PKD2: variants seen among roughly 807,000 people sequenced by gnomAD.
PKD2 encodes the protein polycystin 2, transient receptor potential cation channel, also known as polycystin-2.
A neutral mutation model predicts 105.9 loss-of-function variants in PKD2; 48 were observed. That is an observed-to-expected ratio of 0.45 (90% CI 0.36 to 0.58). PKD2 has a LOEUF of 0.58. Ranked by LOEUF, PKD2 falls within the 20% of genes least tolerant of loss-of-function variation. PKD2 has a pLI of 0.00. For missense variants in PKD2, 1,078 were observed against 1,255.3 expected, an observed-to-expected ratio of 0.86 and a Z score of 2.13; for synonymous variants, 464 against 481.1, an observed-to-expected ratio of 0.96 and a Z score of 0.46.
At chr4:88,009,824 G>A (rs1042431031) in intron 1 of PKD2, among the ~76,000 whole-genome samples, 2 of 152,154 alleles carry the variant, frequency 1.3e-5, no homozygotes, top group African/African-American at 4.8e-5. Flanking sequence ...AAGTGAGAGA[G>A]AAGTTCCTTT....
chr4:88,066,026 C>A, intron 12 of PKD2, 147 bp downstream of exon 12: 1 of 687,432 alleles, frequency 1.5e-6, no homozygotes, highest in Non-Finnish European at 2.7e-6. Flanking sequence ...TGTGTTAGTA[C>A]CCTGTTTATT....
chr4:88,048,193 T>C (rs1727845006), intron 6 of PKD2, among the ~76,000 whole-genome samples: 1 of 152,242 alleles, frequency 6.6e-6, no homozygotes. Flanking sequence ...TGATAGCCAT[T>C]ACCTTCTGAA....
At chr4:88,056,060 C>A (rs1451546950) in intron 7 of PKD2, 26 bp from the exon 8 acceptor site, 5 of 1,459,204 alleles carry the variant, frequency 3.4e-6, no homozygotes, top group East Asian at 4.5e-5. Flanking sequence ...ATCCATTCAT[C>A]TATTGATGTC....
At chr4:88,046,952 G>T in intron 6 of PKD2, 82 bp downstream of exon 6, 1 of 839,520 alleles carries the variant, frequency 1.2e-6, no homozygotes, top group Non-Finnish European at 2.1e-6. Context: ...CAGCATTGTG[G>T]ATCTTGATAT....
At chr4:88,018,659 G>T (rs1726643400) in intron 1 of PKD2, among the ~76,000 whole-genome samples, 1 of 152,208 alleles carries the variant, frequency 6.6e-6, no homozygotes, top group Non-Finnish European at 1.5e-5. Context: ...GTCCAAAACT[G>T]CGGTCACTCT....
In PKD2 at chr4:88,020,120, C is replaced by T. The variant is rs116319709; in HGVS notation, c.709+549C>T. ...AGTTAGAGGATTTTTGTATTAGATT[C>T]CTTAACAATGAATACAGTATCACCA... is the stretch of plus-strand genomic sequence containing the variant. On this transcript the variant is annotated intron_variant, in intron 2 of 14. Transcript: ENST00000237596. Among the ~76,000 whole-genome samples, 907 of 152,170 alleles carry T rather than the reference C, an allele frequency of 6.0e-3. 12 individuals carry two copies. The highest frequency in any genetic ancestry group is 0.02 in the African/African-American group (851 of 41,520).
intron 5 of PKD2, among the ~76,000 whole-genome samples, chr4:88,046,174 C>T (rs1162838771): frequency 6.6e-6 from 1 of 152,032 alleles, no homozygotes; most frequent in African/African-American, 2.4e-5. Flanking sequence ...CTTACATTCC[C>T]AGCTACTCAG....
intron 9 of PKD2, among the ~76,000 whole-genome samples, chr4:88,061,564 A>G (rs1299130377): frequency 6.6e-6 from 1 of 151,948 alleles, no homozygotes; most frequent in Non-Finnish European, 1.5e-5. Context: ...GTGGTGAAAC[A>G]CTGTCTCTAC....
At chr4:88,039,001 C>T (rs1045304422) in intron 4 of PKD2, among the ~76,000 whole-genome samples, 2 of 152,182 alleles carry the variant, frequency 1.3e-5, no homozygotes, top group African/African-American at 4.8e-5. Context: ...TATATTTGTA[C>T]ACGTGCATAT....
In PKD2 at chr4:88,043,271, G is replaced by A. The variant is rs1393766260; in HGVS notation, c.1133G>A (p.Ser378Asn). 11 of 1,612,976 alleles carry A rather than the reference G, an allele frequency of 6.8e-6. No homozygotes were observed. The highest frequency in any genetic ancestry group is 1.3e-5 in the African/African-American group (1 of 74,900). The change falls in exon 5 of 15, where the codon AGC becomes AAC. Residue 378 changes from serine (S) to asparagine (N), a missense_variant. Ser to Asn is a conservative substitution (Grantham distance 46). Around this residue, in one of 2 missense-constraint regions of PKD2, gnomAD observed 868 missense variants for 1,067.3 expected, o/e 0.81. Transcript: ENST00000237596. ...AGTGAAAAAGACTTGAATGGTAGTA[G>A]CCACTGGGGAATCATTGCAACTTAT... ...YTSEKDLNGS[S>N]HWGIIATYSG... is the part of the protein sequence containing the mutation.
At chr4:88,036,434 C>A in intron 3 of PKD2, 81 bp downstream of exon 3, 1 of 1,597,942 alleles carries the variant, frequency 6.3e-7, no homozygotes, top group Non-Finnish European at 8.5e-7. Flanking sequence ...GCATGAGTAT[C>A]GACAGGACCT....
chr4:88,046,797 T>G lies in PKD2; in HGVS notation c.1475T>G (p.Ile492Arg). 1 of 1,611,326 alleles carries G rather than the reference T, an allele frequency of 6.2e-7. No individual in the cohort carries two copies. ...FFIFYYVVEEILEIRIHKLHY... is the reference protein window; with the variant it reads ...FFIFYYVVEERLEIRIHKLHY... ...ATCTTTTACTATGTGGTGGAAGAGA[T>G]ATTGGAAATTCGCATTCACAAACTA... The change falls in exon 6 of 15, where the codon ATA (isoleucine) becomes AGA (arginine). Residue 492 changes from isoleucine (I) to arginine (R), a missense_variant. Physicochemically the swap from Ile to Arg is moderately conservative, Grantham distance 97. Around this residue, in one of 2 missense-constraint regions of PKD2, gnomAD observed 868 missense variants for 1,067.3 expected, o/e 0.81. Transcript: ENST00000237596.
chr4:88,061,802 T>G (rs1405831011), intron 9 of PKD2, 104 bp from the exon 10 acceptor site: 1 of 676,876 alleles, frequency 1.5e-6, no homozygotes, highest in Non-Finnish European at 2.7e-6. Flanking sequence ...GCACTCAGAT[T>G]AGGAAAAAAA....
rs753896366 is a variant in PKD2, at chr4:88,065,544, T to C, written c.2240+49T>C. 5 of 1,587,594 alleles carry C rather than the reference T, an allele frequency of 3.1e-6. No homozygotes were observed. The Admixed American group carries it at 8.3e-5, about 26-fold the overall frequency. ...TCTGAAAAATTCCTGCTTCTAAAGA[T>C]AAATTCCTGGTGATAAGAGTATTTC... On this transcript the variant is annotated intron_variant, in intron 11 of 14. Coordinates refer to ENST00000237596, the MANE Select transcript of PKD2 (RefSeq NM_000297.4).
At chr4:88,056,772 G>A (rs1560620786) in intron 8 of PKD2, among the ~76,000 whole-genome samples, 1 of 152,102 alleles carries the variant, frequency 6.6e-6, no homozygotes, top group South Asian at 2.1e-4. Context: ...AGATTTCTAT[G>A]CCATTTAGAA....
chr4:88,046,120 T>A (rs542040537), intron 5 of PKD2, among the ~76,000 whole-genome samples: 1 of 150,946 alleles, frequency 6.6e-6, no homozygotes, highest in Admixed American at 6.6e-5. Context: ...CAAGACTCAG[T>A]CTCTGCCAAA....
intron 2 of PKD2, among the ~76,000 whole-genome samples, chr4:88,034,945 A>ACC (rs1727282246): frequency 6.6e-6 from 1 of 152,214 alleles, no homozygotes; most frequent in African/African-American, 2.4e-5. Context: ...AGTACTTGGT[A>ACC]AAGTGCTGAA....
At position 88,007,768 on chromosome 4, in the gene PKD2, C is replaced by T. The variant is rs1459980217; in HGVS notation, c.35C>T (p.Pro12Leu). 2 of 1,184,426 alleles carry T rather than the reference C, an allele frequency of 1.7e-6. No individual in the cohort carries two copies. The highest frequency in any genetic ancestry group is 3.3e-5 in the African/African-American group (2 of 61,186). The allele number at this position is 1,184,426 out of a possible 1,614,324, so 73.4% of individuals were successfully genotyped here. A position where few individuals can be genotyped will look rare whatever the true frequency, so the allele number is the denominator to read the frequency against. The part of the protein sequence containing the change: ...VNSSRVQPQQ[P>L]GDAKRPPAPR... ...TCCAGTCGCGTGCAGCCTCAGCAGC[C>T]CGGGGACGCCAAGCGGCCGCCCGCG... The change falls in exon 1 of 15, where the codon CCC (proline) becomes CTC (leucine). Residue 12 changes from proline (P) to leucine (L), a missense_variant. By Grantham distance (98) the Pro-to-Leu change is moderately conservative (BLOSUM62 -3). Around this residue, in one of 2 missense-constraint regions of PKD2, gnomAD observed 210 missense variants for 187.9 expected, o/e 1.12. Coordinates refer to ENST00000237596, the MANE Select transcript of PKD2 (RefSeq NM_000297.4).
intron 6 of PKD2, among the ~76,000 whole-genome samples, chr4:88,049,681 C>T (rs923538371): frequency 1.3e-5 from 2 of 152,164 alleles, no homozygotes; most frequent in African/African-American, 2.4e-5. Flanking sequence ...AAAGACCCAA[C>T]GCTTTTTGTT....
Sources: allele counts gnomAD v4.1 joint callset (sites outside exome capture counted in the v4.1 genomes callset), GRCh38; gene constraint gnomAD v4.1.1; regional missense constraint gnomAD v4.1.1; transcripts MANE v1.5; gene names NCBI Gene and HGNC (gene_info 2026-07-23, HGNC 2026-07-21).